WDR44: variants seen among roughly 807,000 people sequenced by gnomAD.
WDR44 encodes the protein WD repeat domain 44.
A neutral mutation model predicts 65.7 loss-of-function variants in WDR44; 9 were observed. That is an observed-to-expected ratio of 0.14 (90% confidence interval 0.08 to 0.24). The LOEUF (loss-of-function observed/expected upper bound fraction) is 0.24, where lower values mean the gene tolerates loss of function less well. Ranked by LOEUF, WDR44 falls within the 10% of genes least tolerant of loss-of-function variation. The pLI, the probability that WDR44 is intolerant of heterozygous loss-of-function variation, is 1.00. For synonymous variants in WDR44, 220 were observed against 235.2 expected, an observed-to-expected ratio of 0.94 and a Z score of 0.59; for missense variants, 425 against 670.9, an observed-to-expected ratio of 0.63 and a Z score of 4.05.
At chrX:118,366,636 C>G (rs1357932011) in intron 1 of WDR44, among the ~76,000 whole-genome samples, 1 of 110,482 alleles carries the variant, frequency 9.1e-6, no homozygotes, top group Non-Finnish European at 1.9e-5. Context: ...AAAATTTGGG[C>G]AGTCTGGGAA....
At chrX:118,448,277 G>T (rs1273349489) in intron 19 of WDR44, among the ~76,000 whole-genome samples, 4 of 111,720 alleles carry the variant, frequency 3.6e-5, no homozygotes, top group Non-Finnish European at 7.5e-5. Flanking sequence ...AATAGAGTTA[G>T]TTAACACTGA....
At chrX:118,367,017 C>T (rs1402055428) in intron 1 of WDR44, among the ~76,000 whole-genome samples, 2 of 108,513 alleles carry the variant, frequency 1.8e-5, no homozygotes, top group East Asian at 2.9e-4. Context: ...ACCTGGAAGG[C>T]GGAGCTTGCG....
intron 8 of WDR44, among the ~76,000 whole-genome samples, chrX:118,403,240 A>T (rs2056935348): frequency 1.8e-5 from 2 of 112,049 alleles, no homozygotes; most frequent in African/African-American, 6.5e-5. Context: ...AACCATGTAA[A>T]GTCAAACTTG....
rs780629985 is a variant in WDR44 at position 118,397,774 on chromosome X, C to A, written c.1191-613C>A. 3.1e-3 allele frequency among the ~76,000 whole-genome samples: 346 copies of A among 111,835 alleles called. 1 individual carries two copies. Among genetic ancestry groups the A allele is most frequent in the African/African-American group, 0.011 (328 of 30,867 alleles). On this transcript the variant is annotated intron_variant, in intron 7 of 19. Transcript: ENST00000254029. ...TGGGGAGGAAGATACCTACAAGTTACTTTATTATTTCCCTATAGCACATTT... is the reference window on the plus strand; with the variant it reads ...TGGGGAGGAAGATACCTACAAGTTAATTTATTATTTCCCTATAGCACATTT...
At chrX:118,423,963 G>A (rs1437856928) in intron 12 of WDR44, among the ~76,000 whole-genome samples, 1 of 111,243 alleles carries the variant, frequency 9.0e-6, no homozygotes, top group Non-Finnish European at 1.9e-5. Flanking sequence ...GTATTCTGTT[G>A]TGTGTATATG....
chrX:118,414,322 A>G (rs1265615483), intron 12 of WDR44, among the ~76,000 whole-genome samples: 1 of 90,941 alleles, frequency 1.1e-5, no homozygotes, highest in Non-Finnish European at 2.1e-5. Context: ...CTGGATATAT[A>G]CCCAAAGGAC....
chrX:118,352,004 G>A (rs763059465), intron 1 of WDR44, among the ~76,000 whole-genome samples: 28 of 109,169 alleles, frequency 2.6e-4, no homozygotes, highest in African/African-American at 8.0e-4. Flanking sequence ...TAACTCATGG[G>A]GGTAGGATAG....
chrX:118,448,458 A>G (rs181180060), intron 19 of WDR44, among the ~76,000 whole-genome samples: 180 of 112,039 alleles, frequency 1.6e-3, no homozygotes, highest in African/African-American at 5.5e-3. Flanking sequence ...TATGTCTGCT[A>G]TACAATAAAC....
At chrX:118,416,690 A>G (rs2057060304) in intron 12 of WDR44, among the ~76,000 whole-genome samples, 1 of 111,725 alleles carries the variant, frequency 9.0e-6, no homozygotes, top group Admixed American at 9.6e-5. Context: ...CTGTATATAT[A>G]TCTGTTAAGT....
At position 118,398,885 on chromosome X, in the gene WDR44, G is replaced by A. The variant is rs768899259; in HGVS notation, c.1274+415G>A. On this transcript the variant is annotated intron_variant, in intron 8 of 19. Transcript: ENST00000254029. Reference sequence around the variant, plus strand: ...GACTCCACTGCACTCCAGCCTGGGCGACAGAGCAAGACTCCCCCTCAAAAA... The same window carrying A: ...GACTCCACTGCACTCCAGCCTGGGCAACAGAGCAAGACTCCCCCTCAAAAA... 2.7e-5 allele frequency among the ~76,000 whole-genome samples: 3 copies of A among 111,035 alleles called. No individual in the cohort carries two copies. In the South Asian group the frequency reaches 1.2e-3, roughly 43 times the overall value.
chrX:118,426,168 A>G (rs1431862018), intron 12 of WDR44, among the ~76,000 whole-genome samples: 1 of 112,091 alleles, frequency 8.9e-6, no homozygotes, highest in Admixed American at 9.5e-5. Flanking sequence ...ATGGCACGGT[A>G]ATCATATTTA....
At chrX:118,359,569 G>C (rs2056494104) in intron 1 of WDR44, among the ~76,000 whole-genome samples, 1 of 111,980 alleles carries the variant, frequency 8.9e-6, no homozygotes, top group South Asian at 3.7e-4. Context: ...AGGTCCACTT[G>C]AAGTTTTGTA....
At chrX:118,438,797 G>GTTTTTT (rs1213083479) in intron 14 of WDR44, among the ~76,000 whole-genome samples, 3 of 64,065 alleles carry the variant, frequency 4.7e-5, no homozygotes, top group East Asian at 6.3e-4. Flanking sequence ...GTTCAGCCAT[G>GTTTTTT]TTTTTTTTTT....
intron 1 of WDR44, among the ~76,000 whole-genome samples, chrX:118,373,075 G>A (rs1317835379): frequency 9.1e-6 from 1 of 110,342 alleles, no homozygotes; most frequent in African/African-American, 3.3e-5. Flanking sequence ...GCCAACAAGA[G>A]CAAAACTCCG....
At chrX:118,356,155 C>G (rs2056456843) in intron 1 of WDR44, among the ~76,000 whole-genome samples, 2 of 112,253 alleles carry the variant, frequency 1.8e-5, no homozygotes, top group Admixed American at 1.9e-4. Context: ...GTTACTGTTT[C>G]AAACAATGAA....
chrX:118,394,172 T>C lies in WDR44; in HGVS notation c.944T>C (p.Ile315Thr), dbSNP rs1374724231. The change falls in exon 5 of 20, where the codon ATA (isoleucine) becomes ACA (threonine). Residue 315 changes from isoleucine to threonine, a missense_variant. Physicochemically the swap from Ile to Thr is moderately conservative, Grantham distance 89. This residue lies in a region of WDR44 where 77 missense variants were observed against 183.5 expected (regional missense o/e 0.42). Coordinates refer to ENST00000254029, the MANE Select transcript of WDR44 (RefSeq NM_019045.5). ...DLASATSGDK[I>T]VTAQENGKAP... ...GCAAGTGCTACCAGTGGAGATAAAA[T>C]AGTTACCGCCCAGGTTGGTGAATTA... The C allele has an allele frequency of 8.3e-7, 1 of 1,210,691 alleles. No individual in the cohort carries two copies. The highest frequency in any genetic ancestry group is 2.2e-5 in the Admixed American group (1 of 46,000).
intron 12 of WDR44, among the ~76,000 whole-genome samples, chrX:118,432,461 A>G: frequency 8.9e-6 from 1 of 111,854 alleles, no homozygotes; most frequent in East Asian, 2.8e-4. Flanking sequence ...GCTAATCTTC[A>G]TTAGCTTAGA....
At chrX:118,382,731 A>G (rs930264352) in intron 2 of WDR44, among the ~76,000 whole-genome samples, 1 of 112,050 alleles carries the variant, frequency 8.9e-6, no homozygotes, top group Admixed American at 9.5e-5. Context: ...GCTCTGTAAT[A>G]TCCAACACAG....
At chrX:118,365,542 G>C (rs1352724388) in intron 1 of WDR44, among the ~76,000 whole-genome samples, 1 of 111,244 alleles carries the variant, frequency 9.0e-6, no homozygotes, top group Non-Finnish European at 1.9e-5. Flanking sequence ...GAAAAATTTT[G>C]GGGTCCTGTC....
Sources: gnomAD v4.1 joint callset for allele counts (sites outside exome capture counted in the v4.1 genomes callset) on GRCh38, gnomAD v4.1.1 for gene constraint, gnomAD v4.1.1 regional missense constraint, MANE v1.5 for transcripts, NCBI Gene and HGNC (gene_info 2026-07-23, HGNC 2026-07-21) for gene names.